Variants in PKIB observed in about 807,000 individuals in gnomAD.
PKIB encodes PKI-beta.
Under a neutral mutation model 4.5 loss-of-function variants are expected in PKIB, and 2 were observed. The observed-to-expected ratio is 0.44, with a 90% confidence interval of 0.18 to 1.39. The LOEUF is 1.39. Ranked by LOEUF, PKIB falls within the 40% of genes most tolerant of loss-of-function variation. PKIB has a pLI of 0.27. For synonymous variants in PKIB, 38 were observed against 36.0 expected, an observed-to-expected ratio of 1.06 and a Z score of -0.20; for missense variants, 94 against 92.6, an observed-to-expected ratio of 1.02 and a Z score of -0.06.
At chr6:122,616,609 T>C (rs1775000437) in intron 1 of PKIB, among the ~76,000 whole-genome samples, 1 of 152,162 alleles carries the variant, frequency 6.6e-6, no homozygotes, top group Non-Finnish European at 1.5e-5. Flanking sequence ...ATGGAGCTGC[T>C]TTCCAATAAA....
intron 2 of PKIB, among the ~76,000 whole-genome samples, chr6:122,662,274 T>TC (rs1223645687): frequency 6.8e-6 from 1 of 146,134 alleles, no homozygotes; most frequent in Non-Finnish European, 1.5e-5. Flanking sequence ...TAAACCAAGG[T>TC]CTCTTTCTCT....
intron 2 of PKIB, among the ~76,000 whole-genome samples, chr6:122,580,798 T>C (rs1773680468): frequency 6.6e-6 from 1 of 152,198 alleles, no homozygotes; most frequent in Non-Finnish European, 1.5e-5. Context: ...GAAATGTTAA[T>C]GGATAAACGA....
At chr6:122,489,863 T>C (rs1413791784) in intron 2 of PKIB, among the ~76,000 whole-genome samples, 1 of 152,246 alleles carries the variant, frequency 6.6e-6, no homozygotes, top group African/African-American at 2.4e-5. Flanking sequence ...GGCTTCACAG[T>C]ATACCCACAC....
intron 2 of PKIB, among the ~76,000 whole-genome samples, chr6:122,580,307 A>C (rs1003173299): frequency 6.6e-6 from 1 of 152,078 alleles, no homozygotes; most frequent in Non-Finnish European, 1.5e-5. Flanking sequence ...AAGCTCTAGA[A>C]ATTGGAACTT....
chr6:122,666,552 C>T (rs1490106185), intron 2 of PKIB, among the ~76,000 whole-genome samples: 4 of 152,200 alleles, frequency 2.6e-5, no homozygotes, highest in Non-Finnish European at 4.4e-5. Context: ...CGCAATATGA[C>T]AACACATCTC....
chr6:122,540,655 C>A (rs1185456508), intron 2 of PKIB, among the ~76,000 whole-genome samples: 1 of 151,984 alleles, frequency 6.6e-6, no homozygotes, highest in African/African-American at 2.4e-5. Context: ...AATGTATATT[C>A]TGTTGATTTG....
chr6:122,521,504 C>T (rs112054365), intron 2 of PKIB, among the ~76,000 whole-genome samples: 4,104 of 151,896 alleles, frequency 0.027, 66 homozygotes, highest in Middle Eastern at 0.058. Context: ...CACGGTGAAA[C>T]GCTGTCTTTA....
In PKIB at chr6:122,725,119, T is replaced by A. The variant is rs1211771474; in HGVS notation, c.170-9T>A. 2 of 1,597,714 alleles carry A rather than the reference T, an allele frequency of 1.3e-6. No individual in the cohort carries two copies. The highest frequency in any genetic ancestry group is 1.4e-5 in the African/African-American group (1 of 73,948). Reference sequence around the variant, plus strand: ...ATATTCCACATATGAATGGAAATTTTTTTTTCAGATGCAAAAGAGAAAGAT... The same window carrying A: ...ATATTCCACATATGAATGGAAATTTATTTTTCAGATGCAAAAGAGAAAGAT... On this transcript the variant is annotated splice_polypyrimidine_tract_variant and intron_variant, in intron 4 of 4. Transcript: ENST00000368452.
intron 2 of PKIB, among the ~76,000 whole-genome samples, chr6:122,541,658 G>A (rs1473290105): frequency 6.6e-6 from 1 of 151,720 alleles, no homozygotes; most frequent in Non-Finnish European, 1.5e-5. Flanking sequence ...ACAATTATGT[G>A]TCTTGGAGTT....
chr6:122,566,842 A>G (rs1773210456), intron 2 of PKIB, among the ~76,000 whole-genome samples: 1 of 152,210 alleles, frequency 6.6e-6, no homozygotes, highest in Non-Finnish European at 1.5e-5. Flanking sequence ...TAACACTTCA[A>G]TGAGTGTACA....
At chr6:122,566,527 T>C (rs189413069) in intron 2 of PKIB, among the ~76,000 whole-genome samples, 9 of 152,204 alleles carry the variant, frequency 5.9e-5, no homozygotes, top group African/African-American at 2.2e-4. Context: ...AAATACATTA[T>C]TTTTATACTA....
intron 4 of PKIB, among the ~76,000 whole-genome samples, chr6:122,720,077 C>T (rs536086540): frequency 1.1e-4 from 16 of 152,156 alleles, no homozygotes; most frequent in African/African-American, 1.4e-4. Flanking sequence ...AAACTGAAAG[C>T]GGGAGTCTGT....
At chr6:122,675,013 T>G (rs984106211) in intron 2 of PKIB, 65 bp from the exon 3 acceptor site, 2 of 152,530 alleles carry the variant, frequency 1.3e-5, no homozygotes, top group African/African-American at 4.8e-5. Context: ...CAAAAGTAAT[T>G]AAAATTTGAT....
chr6:122,564,249 G>A (rs200427495), intron 2 of PKIB, among the ~76,000 whole-genome samples: 7 of 152,106 alleles, frequency 4.6e-5, no homozygotes, highest in Admixed American at 6.5e-5. Flanking sequence ...GGGTCCTCTC[G>A]GGATTGCTGG....
chr6:122,622,066 T>A (rs1490338059), intron 1 of PKIB, among the ~76,000 whole-genome samples: 1 of 152,194 alleles, frequency 6.6e-6, no homozygotes, highest in Non-Finnish European at 1.5e-5. Flanking sequence ...AGACTAAAGA[T>A]ATAAAGTGTG....
At position 122,653,735 on chromosome 6, in the gene PKIB, C is replaced by T. The variant is rs573590602; in HGVS notation, c.-76+20368C>T. ...CAGCACTTTGGGAGGTCGAGGCGGG[C>T]GGATCATTTGAGGTCAGGAGTTCCA... is the stretch of plus-strand genomic sequence containing the variant. On this transcript the variant is annotated intron_variant, in intron 2 of 4. Coordinates refer to ENST00000368452, the MANE Select transcript of PKIB (RefSeq NM_181795.3). 1.8e-4 allele frequency among the ~76,000 whole-genome samples: 28 copies of T among 151,560 alleles called. 1 individual carries two copies. The East Asian group carries it at 2.9e-3, about 16-fold the overall frequency.
chr6:122,482,964 A>G (rs1056730151), intron 2 of PKIB: 5 of 150,972 alleles, frequency 3.3e-5, no homozygotes, highest in Non-Finnish European at 7.4e-5. Context: ...TGATTGGCTG[A>G]AAGTTAAATA....
upstream of PKIB, among the ~76,000 whole-genome samples, chr6:122,607,343 A>C (rs572781778): frequency 3.3e-5 from 5 of 151,444 alleles, no homozygotes; most frequent in East Asian, 7.7e-4. Context: ...CAAAACAAAA[A>C]AACAAAACAA....
intron 2 of PKIB, chr6:122,482,667 C>T (rs1775657634): frequency 6.6e-6 from 1 of 150,732 alleles, no homozygotes; most frequent in South Asian, 2.1e-4. Context: ...TCTCCTGCCT[C>T]ATCCTCCTGA....
Sources: allele counts gnomAD v4.1 joint callset (sites outside exome capture counted in the v4.1 genomes callset), GRCh38; gene constraint gnomAD v4.1.1; transcripts MANE v1.5; gene names NCBI Gene and HGNC (gene_info 2026-07-23, HGNC 2026-07-21).